PLB1: variants seen among roughly 807,000 people sequenced by gnomAD.
PLB1 encodes the protein phospholipase B1.
A neutral mutation model predicts 227.4 loss-of-function variants in PLB1; 242 were observed. The observed-to-expected ratio is 1.06, with a 90% CI of 0.96 to 1.18. PLB1 has a LOEUF of 1.18. Among genes scored for constraint, PLB1 ranks in the 50% most tolerant of loss-of-function variants. The pLI is 0.00. For synonymous variants in PLB1, 757 were observed against 682.2 expected (o/e 1.11, Z -1.71); for missense variants, 1,858 against 1,816.3 (o/e 1.02, Z -0.42).
intron 21 of PLB1, among the ~76,000 whole-genome samples, chr2:28,576,578 C>T (rs994023055): frequency 6.6e-6 from 1 of 151,976 alleles, no homozygotes; most frequent in African/African-American, 2.4e-5. Context: ...AAAAATACAA[C>T]AATTAGCCGG....
At chr2:28,607,204 C>G (rs11685766) in intron 43 of PLB1, among the ~76,000 whole-genome samples, 1 of 152,050 alleles carries the variant, frequency 6.6e-6, no homozygotes, top group African/African-American at 2.4e-5. Context: ...TTTCTAGGCC[C>G]GGTCTTATGG....
chr2:28,585,133 T>C (rs1680690451), intron 25 of PLB1, among the ~76,000 whole-genome samples: 1 of 152,330 alleles, frequency 6.6e-6, no homozygotes, highest in East Asian at 1.9e-4. Flanking sequence ...CAATTATTAT[T>C]GTTGTCACTG....
chr2:28,528,601 C>T (rs1258865638), intron 6 of PLB1, among the ~76,000 whole-genome samples: 2 of 152,194 alleles, frequency 1.3e-5, no homozygotes, highest in African/African-American at 4.8e-5. Flanking sequence ...TGGTTCAAAC[C>T]CCAGCAACCT....
At chr2:28,532,013 G>A in intron 8 of PLB1, 95 bp from the exon 9 acceptor site, 1 of 919,676 alleles carries the variant, frequency 1.1e-6, no homozygotes, top group South Asian at 1.7e-5. Flanking sequence ...TTTCAGGGAT[G>A]GGTGTATGAA....
rs138851473 is a variant in PLB1 at position 28,603,814 on chromosome 2, CT to C, written c.2775-151del. The stretch of plus-strand genomic sequence containing the variant: ...CCCCTGCCAGGCCTGAAGCCTGCCC[CT>C]GAGCATGTGCGCCAGAGCCTCAAGG... On this transcript the variant is annotated intron_variant, in intron 39 of 57. Coordinates refer to ENST00000327757, the MANE Select transcript of PLB1 (RefSeq NM_153021.5). 1.9e-3 allele frequency: 1,310 copies of C among 692,152 alleles called. 28 individuals carry two copies. In the East Asian group the frequency reaches 0.034, roughly 18 times the overall value. 42.9% of individuals were successfully genotyped at this position (692,152 alleles called of 1,614,324 possible).
At chr2:28,536,027 T>C (rs1671637967) in intron 9 of PLB1, among the ~76,000 whole-genome samples, 1 of 152,188 alleles carries the variant, frequency 6.6e-6, no homozygotes. Context: ...CACCTGACTT[T>C]ACAGAGCAGG....
chr2:28,519,654 A>G (rs761138678), intron 3 of PLB1, 51 bp from the exon 4 acceptor site: 1 of 1,395,360 alleles, frequency 7.2e-7, no homozygotes, highest in South Asian at 1.2e-5. Context: ...CTTGGCCGAC[A>G]TCATGGGGAA....
intron 1 of PLB1, among the ~76,000 whole-genome samples, chr2:28,512,628 GTC>G (rs1278151157): frequency 2.0e-5 from 3 of 150,828 alleles, no homozygotes; most frequent in African/African-American, 4.9e-5. Flanking sequence ...TGTGAAATCT[GTC>G]TCTCTAATTG....
Position 28,600,789 on chromosome 2 carries a change from G to A in PLB1, c.2475-20G>A. 1.9e-6 allele frequency: 3 copies of A among 1,612,096 alleles called. No individual in the cohort carries two copies. Among genetic ancestry groups the A allele is most frequent in the Non-Finnish European group, 2.5e-6 (3 of 1,178,176 alleles). ...GGGCACTGTTCCTCAACAGAAGGAT[G>A]GGTTTTCTCTCTTTCTCAGGGATCT... On this transcript the variant is annotated intron_variant, in intron 35 of 57. Transcript: ENST00000327757.
chr2:28,565,254 C>T (rs1676684468), intron 18 of PLB1, 26 bp from the exon 19 acceptor site: 1 of 1,599,540 alleles, frequency 6.3e-7, no homozygotes, highest in Non-Finnish European at 8.5e-7. Context: ...AGCAGAGAAA[C>T]TCACCCCCTC....
intron 34 of PLB1, 73 bp downstream of exon 34, chr2:28,598,121 T>C (rs1248950968): frequency 2.3e-6 from 3 of 1,329,686 alleles, no homozygotes; most frequent in Non-Finnish European, 3.2e-6. Flanking sequence ...CGAAAGTGCC[T>C]CCCAGGTAAG....
chr2:28,590,252 G>A (rs1227853061), intron 29 of PLB1, among the ~76,000 whole-genome samples, 176 bp downstream of exon 29: 2 of 152,064 alleles, frequency 1.3e-5, no homozygotes, highest in Non-Finnish European at 2.9e-5. Flanking sequence ...GCCACCCCCA[G>A]TGACCCAGAG....
At chr2:28,504,613 T>A (rs1014790550) in intron 1 of PLB1, among the ~76,000 whole-genome samples, 4 of 152,030 alleles carry the variant, frequency 2.6e-5, no homozygotes, top group African/African-American at 9.7e-5. Flanking sequence ...TATGGTGGTG[T>A]GTGCCTGTAG....
At chr2:28,612,920 A>AT (rs36059309) in intron 43 of PLB1, among the ~76,000 whole-genome samples, 359 of 141,852 alleles carry the variant, frequency 2.5e-3, no homozygotes, top group East Asian at 3.7e-3. Flanking sequence ...GCCCAGACTA[A>AT]TTTTTTTTTT....
intron 14 of PLB1, among the ~76,000 whole-genome samples, chr2:28,544,858 G>C (rs1486112933): frequency 6.6e-6 from 1 of 152,258 alleles, no homozygotes; most frequent in Non-Finnish European, 1.5e-5. Context: ...GAAGAGATAC[G>C]GAGATAAGGC....
chr2:28,515,793 G>C (rs1668780847), intron 1 of PLB1, among the ~76,000 whole-genome samples: 1 of 152,186 alleles, frequency 6.6e-6, no homozygotes, highest in Admixed American at 6.5e-5. Context: ...ATTGGGTGGG[G>C]AGAAGTCAGA....
At chr2:28,599,639 T>C (rs1310000835) in intron 35 of PLB1, among the ~76,000 whole-genome samples, 1 of 152,186 alleles carries the variant, frequency 6.6e-6, no homozygotes, top group Non-Finnish European at 1.5e-5. Flanking sequence ...TTTTTTTAGA[T>C]AGAGTCTCAT....
Position 28,589,539 on chromosome 2 carries a change from C to T in PLB1, c.1905C>T (p.Asp635=), listed in dbSNP as rs1416599025. The T allele has an allele frequency of 9.3e-6, 15 of 1,614,022 alleles. No homozygotes were observed. Among genetic ancestry groups the T allele is most frequent in the Non-Finnish European group, 1.2e-5 (14 of 1,180,008 alleles). The change falls in exon 27 of 58, where the codon GAC becomes GAT. Residue 635 remains aspartate (D), a synonymous_variant. Coordinates refer to ENST00000327757, the MANE Select transcript of PLB1 (RefSeq NM_153021.5). The stretch of plus-strand genomic sequence containing the variant: ...TGCAGCCGTTCTTTGAAAACGTGGA[C>T]ATGCCAAAGACCTCGGTAAAGAAAG... ...VVVQPFFENV[D]MPKTSEGLPD...
chr2:28,533,169 C>T (rs571501766), intron 9 of PLB1, among the ~76,000 whole-genome samples: 3 of 152,234 alleles, frequency 2.0e-5, no homozygotes, highest in East Asian at 3.9e-4. Flanking sequence ...CCTTCAAGTG[C>T]GCCACACTCC....
Sources: gnomAD v4.1 joint callset for allele counts (sites outside exome capture counted in the v4.1 genomes callset) on GRCh38, gnomAD v4.1.1 for gene constraint, MANE v1.5 for transcripts, NCBI Gene and HGNC (gene_info 2026-07-23, HGNC 2026-07-21) for gene names.